Variants in CNOT1 observed in about 807,000 individuals in gnomAD.
CNOT1 encodes CCR4-associated factor 1.
Under a neutral mutation model 273.8 loss-of-function variants are expected in CNOT1, and 15 were observed. The ratio of observed to expected loss-of-function variants is 0.05; its 90% CI spans 0.04 to 0.08. The LOEUF is 0.08. Ranked by LOEUF, CNOT1 falls within the 10% of genes least tolerant of loss-of-function variation. The pLI is 1.00. For synonymous variants in CNOT1, 1,022 were observed against 1,005.5 expected, an observed-to-expected ratio of 1.02 and a Z score of -0.31; for missense variants, 1,644 against 2,912.2, an observed-to-expected ratio of 0.56 and a Z score of 10.02.
intron 25 of CNOT1, chr16:58,548,398 T>A: frequency 4.5e-6 from 2 of 444,314 alleles, no homozygotes; most frequent in African/African-American, 4.0e-5. Flanking sequence ...TATTTAAACT[T>A]CTGTTTAAAA....
rs200869009 is a variant in CNOT1 at position 58,541,484 on chromosome 16, A to C, written c.4800+17T>G. On this transcript the variant is annotated intron_variant, in intron 34 of 48. Transcript: ENST00000317147. ...ATTAATTGGCAAAACACTCAATTTAATCTAAAACACATTTACCTTCATGGG... is the reference window on the plus strand; with the variant it reads ...ATTAATTGGCAAAACACTCAATTTACTCTAAAACACATTTACCTTCATGGG... 1 of 1,608,750 alleles carries C rather than the reference A, an allele frequency of 6.2e-7. No individual in the cohort carries two copies. Among genetic ancestry groups the C allele is most frequent in the East Asian group, 2.2e-5 (1 of 44,806 alleles).
At chr16:58,589,174 T>G (rs564313645) in intron 2 of CNOT1, among the ~76,000 whole-genome samples, 9 of 152,140 alleles carry the variant, frequency 5.9e-5, no homozygotes, top group Non-Finnish European at 1.2e-4. Flanking sequence ...GTAGCTAAGA[T>G]CACAGGCATA....
At chr16:58,544,497 A>C (rs2151919338) in intron 30 of CNOT1, among the ~76,000 whole-genome samples, 1 of 152,260 alleles carries the variant, frequency 6.6e-6, no homozygotes, top group South Asian at 2.1e-4. Flanking sequence ...CAACACTAAG[A>C]GTATTCTAAA....
At chr16:58,574,550 C>T in intron 16 of CNOT1, 59 bp downstream of exon 16, 2 of 1,481,556 alleles carry the variant, frequency 1.3e-6, no homozygotes, top group Non-Finnish European at 1.8e-6. Flanking sequence ...TTCCGCAAGT[C>T]TACAATTATT....
At chr16:58,579,033 C>T in intron 12 of CNOT1, 94 bp from the exon 13 acceptor site, 1 of 1,504,618 alleles carries the variant, frequency 6.6e-7, no homozygotes. Context: ...AAGCACAAAA[C>T]CAAGTTGGTG....
chr16:58,540,037 G>C, intron 34 of CNOT1, 78 bp from the exon 35 acceptor site: 1 of 1,429,088 alleles, frequency 7.0e-7, no homozygotes, highest in Non-Finnish European at 9.5e-7. Flanking sequence ...TCAAATAGAG[G>C]TCTACTAGTA....
At chr16:58,627,816 T>C (rs1329881321) in intron 1 of CNOT1, among the ~76,000 whole-genome samples, 2 of 152,146 alleles carry the variant, frequency 1.3e-5, no homozygotes, top group African/African-American at 2.4e-5. Flanking sequence ...CAAATAGACA[T>C]GTCTTTGCGC....
rs117475797 is a variant in CNOT1 at position 58,590,066 on chromosome 16, C to G, written c.103-1160G>C. ...AAATTTTGTATAGCTGTGTTCACTT[C>G]TGCACATCTAGTCTAGAAAATAATT... On this transcript the variant is annotated intron_variant, in intron 2 of 48. Transcript: ENST00000317147. 7.1e-3 allele frequency among the ~76,000 whole-genome samples: 1,086 copies of G among 152,348 alleles called. 3 individuals are homozygous for G. Among genetic ancestry groups the G allele is most frequent in the Non-Finnish European group, 0.013 (871 of 68,032 alleles).
intron 25 of CNOT1, among the ~76,000 whole-genome samples, chr16:58,548,076 T>C (rs1398635605): frequency 6.6e-6 from 1 of 152,198 alleles, no homozygotes; most frequent in South Asian, 2.1e-4. Context: ...ATGAGGATGA[T>C]AGCCATGCTT....
chr16:58,608,892 C>T (rs1421487097), intron 1 of CNOT1, among the ~76,000 whole-genome samples: 1 of 152,174 alleles, frequency 6.6e-6, no homozygotes, highest in Admixed American at 6.5e-5. Context: ...TATGTTCTCA[C>T]TCATAAGTGG....
chr16:58,614,896 AG>A (rs2043021440), intron 1 of CNOT1, among the ~76,000 whole-genome samples: 1 of 122,028 alleles, frequency 8.2e-6, no homozygotes, highest in Admixed American at 8.2e-5. Context: ...TATTAGAGAC[AG>A]GGTTTCACCA....
Position 58,558,514 on chromosome 16 carries a change from G to T in CNOT1, c.2291C>A (p.Thr764Asn). The T allele has an allele frequency of 1.2e-6, 2 of 1,613,974 alleles. No homozygotes were observed. The highest frequency in any genetic ancestry group is 1.7e-6 in the Non-Finnish European group (2 of 1,179,974). ...AAGTCCTCCAATACCACTGAATGCA[G>T]TGGTCTGATTGGGGGTTGAAAGGGG... ...FPPLSTPNQT[T>N]AFSGIGGLSS... The change falls in exon 18 of 49, where the codon ACT becomes AAT. Residue 764 changes from threonine to asparagine, a missense_variant. By Grantham distance (65) the Thr-to-Asn change is moderately conservative. Around this residue, in one of 13 missense-constraint regions of CNOT1, gnomAD observed 706 missense variants for 1,021.2 expected, o/e 0.69. Coordinates refer to ENST00000317147, the MANE Select transcript of CNOT1 (RefSeq NM_016284.5).
intron 40 of CNOT1, chr16:58,532,602 T>C: frequency 1.2e-6 from 1 of 848,678 alleles, no homozygotes. Context: ...TCTTTGCATT[T>C]CAACATCCTT....
At chr16:58,623,672 C>T (rs1485382119) in intron 1 of CNOT1, among the ~76,000 whole-genome samples, 1 of 152,094 alleles carries the variant, frequency 6.6e-6, no homozygotes, top group Non-Finnish European at 1.5e-5. Flanking sequence ...TCATCCATAT[C>T]CTTTATAATA....
chr16:58,629,187 G>C (rs1248064370), intron 1 of CNOT1, among the ~76,000 whole-genome samples: 1 of 152,234 alleles, frequency 6.6e-6, no homozygotes, highest in East Asian at 1.9e-4. Flanking sequence ...CAACGTGCTG[G>C]GGGCGTAAGA....
chr16:58,543,248 T>A, intron 31 of CNOT1: 1 of 1,541,800 alleles, frequency 6.5e-7, no homozygotes, highest in Non-Finnish European at 8.7e-7. Flanking sequence ...GCAACATCAC[T>A]TTAAGTCATT....
In CNOT1 at chr16:58,527,245, C is replaced by T. The variant is rs544841397; in HGVS notation, c.6454-1107G>A. The stretch of plus-strand genomic sequence containing the variant: ...TAAAAAATAATACAACAATAAAGGC[C>T]GGGTGCAGTGGCTCATGCCTGTAAT... On this transcript the variant is annotated intron_variant, in intron 44 of 48. Coordinates refer to ENST00000317147, the MANE Select transcript of CNOT1 (RefSeq NM_016284.5). Among the ~76,000 whole-genome samples the T allele has an allele frequency of 8.5e-5, 13 of 152,066 alleles. 1 individual carries two copies. Among genetic ancestry groups the T allele is most frequent in the Admixed American group, 7.2e-4 (11 of 15,272 alleles).
rs77300049 is a variant in CNOT1 at position 58,583,272 on chromosome 16, C to G, written c.807-90G>C. 3 of 1,553,044 alleles carry G rather than the reference C, an allele frequency of 1.9e-6. No individual in the cohort carries two copies. In the African/African-American group the frequency reaches 4.2e-5, roughly 22 times the overall value. On this transcript the variant is annotated intron_variant, in intron 8 of 48. Transcript: ENST00000317147. ...GCATTAAATGAACCTTGTTTGAAAG[C>G]CTTAGTTTTACTAAATAAAACAGGC...
intron 16 of CNOT1, among the ~76,000 whole-genome samples, chr16:58,564,331 A>G (rs976653907): frequency 5.4e-5 from 8 of 148,526 alleles, no homozygotes; most frequent in Admixed American, 1.4e-4. Context: ...ACAAAAGCAA[A>G]CAAACAAACC....
Sources: allele counts gnomAD v4.1 joint callset (sites outside exome capture counted in the v4.1 genomes callset), GRCh38; gene constraint gnomAD v4.1.1; regional missense constraint gnomAD v4.1.1; transcripts MANE v1.5; gene names NCBI Gene and HGNC (gene_info 2026-07-23, HGNC 2026-07-21).